TRAPPC9: variants seen among roughly 807,000 people sequenced by gnomAD.
TRAPPC9 encodes IKK2 binding protein.
In TRAPPC9, 83 loss-of-function variants were observed where a neutral mutation model predicts 124.0. The ratio of observed to expected loss-of-function variants is 0.67; its 90% CI spans 0.56 to 0.80. The LOEUF is 0.80. TRAPPC9 is among the 30% of genes least tolerant of loss of function. The probability of loss-of-function intolerance (pLI) is 0.00; values close to 1 mark genes in which losing one functional copy is unlikely to be tolerated. For missense variants in TRAPPC9, 1,302 were observed against 1,508.3 expected (o/e 0.86, Z 2.27); for synonymous variants, 638 against 617.5 (o/e 1.03, Z -0.49).
At chr8:140,215,624 C>T (rs1266768180) in intron 17 of TRAPPC9, among the ~76,000 whole-genome samples, 6 of 148,768 alleles carry the variant, frequency 4.0e-5, no homozygotes, top group South Asian at 2.1e-4. Flanking sequence ...CCAGCCTGAG[C>T]GACAGAGCAA....
Position 139,962,937 on chromosome 8 carries a change from C to A in TRAPPC9, c.2810+25789G>T, listed in dbSNP as rs373926413. 9.8e-5 allele frequency among the ~76,000 whole-genome samples: 15 copies of A among 152,324 alleles called. No individual in the cohort carries two copies. In the East Asian group the frequency reaches 1.9e-3, roughly 20 times the overall value. On this transcript the variant is annotated intron_variant, in intron 19 of 22. Coordinates refer to ENST00000438773, the MANE Select transcript of TRAPPC9 (RefSeq NM_001160372.4). ...GAGGAGCAAGGGAACAGATTCCCCC[C>A]AGGCCTCCAGCAGGCATACAGCTTA...
chr8:140,181,933 G>T (rs1421359462), intron 17 of TRAPPC9, among the ~76,000 whole-genome samples: 1 of 152,070 alleles, frequency 6.6e-6, no homozygotes, highest in Non-Finnish European at 1.5e-5. Context: ...GTTTCCTATG[G>T]TAAATCTGTG....
intron 19 of TRAPPC9, among the ~76,000 whole-genome samples, chr8:139,923,786 C>T (rs1045199587): frequency 1.3e-5 from 2 of 152,208 alleles, no homozygotes; most frequent in East Asian, 1.9e-4. Flanking sequence ...CTGGAGAGAA[C>T]GACTCAGTAG....
chr8:139,939,495 C>T (rs1168741450), intron 19 of TRAPPC9, among the ~76,000 whole-genome samples: 3 of 152,292 alleles, frequency 2.0e-5, no homozygotes, highest in African/African-American at 7.2e-5. Context: ...CTCAGCCCAC[C>T]CTCCCAGTCC....
At chr8:139,792,752 G>A (rs1021086598) in intron 21 of TRAPPC9, among the ~76,000 whole-genome samples, 3 of 152,252 alleles carry the variant, frequency 2.0e-5, no homozygotes, top group Non-Finnish European at 2.9e-5. Context: ...TGGACCCACG[G>A]CCGGCGAGGG....
intron 19 of TRAPPC9, among the ~76,000 whole-genome samples, chr8:139,921,953 GT>G (rs1431531695): frequency 1.3e-5 from 2 of 150,900 alleles, no homozygotes. Context: ...TCATCCAGGG[GT>G]GTGCACACCT....
rs908006757 is a variant in TRAPPC9 at position 140,302,560 on chromosome 8, C to T, written c.1623-1946G>A. ...GATTCCATCTGGAAACTGCTGACACCGTAAAAACCTGACTTCCCTCAGGAA... is the reference window on the plus strand; with the variant it reads ...GATTCCATCTGGAAACTGCTGACACTGTAAAAACCTGACTTCCCTCAGGAA... On this transcript the variant is annotated intron_variant, in intron 10 of 22. Coordinates refer to ENST00000438773, the MANE Select transcript of TRAPPC9 (RefSeq NM_001160372.4). 3 of 152,184 alleles carry T rather than the reference C, an allele frequency of 2.0e-5. No homozygotes were observed. The South Asian group carries it at 6.2e-4, about 32-fold the overall frequency. 9.4% of individuals were successfully genotyped at this position (152,184 alleles called of 1,614,324 possible). A position where few individuals can be genotyped will look rare whatever the true frequency, so the allele number is the denominator to read the frequency against.
intron 17 of TRAPPC9, among the ~76,000 whole-genome samples, chr8:140,115,117 C>G (rs2060854299): frequency 6.6e-6 from 1 of 152,182 alleles, no homozygotes; most frequent in Non-Finnish European, 1.5e-5. Flanking sequence ...AGGAACCCCA[C>G]AGACACCGAA....
intron 5 of TRAPPC9, among the ~76,000 whole-genome samples, chr8:140,414,331 C>T (rs934422068): frequency 1.4e-4 from 22 of 152,102 alleles, no homozygotes; most frequent in Non-Finnish European, 1.8e-4. Flanking sequence ...CCTAGGAGTT[C>T]GAGACCAGCA....
intron 21 of TRAPPC9, among the ~76,000 whole-genome samples, chr8:139,756,684 T>G (rs1432727931): frequency 1.0e-3 from 74 of 70,774 alleles, no homozygotes; most frequent in Middle Eastern, 0.013. Context: ...GAGGACAGTG[T>G]GTCGCAGGAG....
At chr8:140,214,987 G>A (rs1188163494) in intron 17 of TRAPPC9, among the ~76,000 whole-genome samples, 1 of 151,918 alleles carries the variant, frequency 6.6e-6, no homozygotes, top group South Asian at 2.1e-4. Flanking sequence ...CGGGGAGAAG[G>A]GCTCTGTAAC....
intron 21 of TRAPPC9, among the ~76,000 whole-genome samples, chr8:139,836,113 A>C (rs1826330280): frequency 6.6e-6 from 1 of 151,870 alleles, no homozygotes; most frequent in Non-Finnish European, 1.5e-5. Context: ...GGTTCAGGTG[A>C]TTCTCCCTCC....
intron 21 of TRAPPC9, among the ~76,000 whole-genome samples, chr8:139,854,378 G>A (rs776695861): frequency 3.2e-4 from 48 of 152,230 alleles, no homozygotes; most frequent in Non-Finnish European, 5.7e-4. Flanking sequence ...AGGAGCCCAC[G>A]CTGGGGCAGG....
intron 21 of TRAPPC9, among the ~76,000 whole-genome samples, chr8:139,835,415 C>T (rs1826267705): frequency 6.6e-6 from 1 of 152,276 alleles, no homozygotes; most frequent in Non-Finnish European, 1.5e-5. Context: ...TCGCCGCCGT[C>T]CAGCCTTCCC....
At chr8:139,817,465 A>T (rs1824921283) in intron 21 of TRAPPC9, among the ~76,000 whole-genome samples, 1 of 152,084 alleles carries the variant, frequency 6.6e-6, no homozygotes, top group African/African-American at 2.4e-5. Flanking sequence ...TGAGTCTGCG[A>T]TTCAGTGCTG....
intron 21 of TRAPPC9, among the ~76,000 whole-genome samples, chr8:139,787,489 G>A (rs1024966802): frequency 7.2e-5 from 11 of 152,122 alleles, no homozygotes; most frequent in African/African-American, 1.2e-4. Flanking sequence ...GGTGGGAACC[G>A]GGCCTGCCTG....
rs914851948 is a variant in TRAPPC9, at chr8:140,216,581, C to T, written c.2556+4878G>A. Among the ~76,000 whole-genome samples the T allele has an allele frequency of 6.6e-5, 10 of 152,192 alleles. No individual in the cohort carries two copies. Among genetic ancestry groups the T allele is most frequent in the African/African-American group, 2.4e-4 (10 of 41,452 alleles). The stretch of plus-strand genomic sequence containing the variant: ...CAAAGGAAGGAACCAACAAACTCCG[C>T]GTGCCTCTGAAACCCTTGGCAGCCT... On this transcript the variant is annotated intron_variant, in intron 17 of 22. Transcript: ENST00000438773. The surrounding 1 kb of genome is among the most constrained non-coding windows in gnomAD (Gnocchi z 4.1).
intron 21 of TRAPPC9, among the ~76,000 whole-genome samples, chr8:139,836,022 T>TTTA (rs1563851170): frequency 3.7e-4 from 56 of 152,116 alleles, no homozygotes; most frequent in Non-Finnish European, 6.5e-4. Flanking sequence ...TTATTTATTT[T>TTTA]TTTTGAGACA....
chr8:139,853,895 T>A (rs1827646360), intron 21 of TRAPPC9, among the ~76,000 whole-genome samples: 1 of 152,244 alleles, frequency 6.6e-6, no homozygotes, highest in Non-Finnish European at 1.5e-5. Flanking sequence ...CAAATAAATA[T>A]GTTAATATTT....
Sources: allele counts gnomAD v4.1 joint callset (sites outside exome capture counted in the v4.1 genomes callset), GRCh38; gene constraint gnomAD v4.1.1; non-coding constraint Gnocchi (gnomAD v3.1); transcripts MANE v1.5; gene names NCBI Gene and HGNC (gene_info 2026-07-23, HGNC 2026-07-21).